SGCZ: variants seen among roughly 807,000 people sequenced by gnomAD.
The protein encoded by SGCZ is zeta-sarcoglycan.
In SGCZ, 40 loss-of-function variants were observed where a neutral mutation model predicts 41.3. The observed-to-expected ratio is 0.97, with a 90% confidence interval of 0.75 to 1.26. The LOEUF is 1.26. Among genes scored for constraint, SGCZ ranks in the 50% most tolerant of loss-of-function variants. SGCZ has a pLI of 0.00. For missense variants in SGCZ, 552 were observed against 369.8 expected, an observed-to-expected ratio of 1.49 and a Z score of -4.04; for synonymous variants, 206 against 137.5, an observed-to-expected ratio of 1.50 and a Z score of -3.49.
chr8:15,152,754 T>G (rs1013163950), intron 1 of SGCZ, among the ~76,000 whole-genome samples: 1 of 152,240 alleles, frequency 6.6e-6, no homozygotes, highest in African/African-American at 2.4e-5. Context: ...GAAGTCCTTT[T>G]TGTTTAATGT....
chr8:14,632,420 T>C (rs568037944), intron 1 of SGCZ, among the ~76,000 whole-genome samples: 1 of 152,196 alleles, frequency 6.6e-6, no homozygotes, highest in South Asian at 2.1e-4. Flanking sequence ...AAAAATTATT[T>C]AAGGTAGCTA....
At chr8:14,487,730 A>G (rs887350650) in intron 2 of SGCZ, 3 of 152,212 alleles carry the variant, frequency 2.0e-5, no homozygotes, top group African/African-American at 7.2e-5. Context: ...CTAATACTTA[A>G]TATAATTTTA....
intron 4 of SGCZ, among the ~76,000 whole-genome samples, chr8:14,226,544 A>C (rs545616921): frequency 6.6e-6 from 1 of 152,250 alleles, no homozygotes; most frequent in Non-Finnish European, 1.5e-5. Flanking sequence ...GCTTTTTTAA[A>C]AAATTGTTGA....
intron 3 of SGCZ, among the ~76,000 whole-genome samples, chr8:14,312,643 A>AGAAGAG (rs199965823): frequency 1.3e-5 from 2 of 151,990 alleles, no homozygotes; most frequent in African/African-American, 4.8e-5. Context: ...AGAAAGAAGA[A>AGAAGAG]GAAGAGGAAG....
intron 2 of SGCZ, among the ~76,000 whole-genome samples, chr8:14,428,119 CACACACACACACACATAT>C (rs1276618366): frequency 0.019 from 1,894 of 98,082 alleles, 24 homozygotes; most frequent in African/African-American, 0.027. Flanking sequence ...CACACACACA[CACACACACACACACATAT>C]ATATATATAT....
intron 2 of SGCZ, among the ~76,000 whole-genome samples, chr8:14,459,019 T>G (rs1434483448): frequency 1.3e-5 from 2 of 152,178 alleles, no homozygotes; most frequent in African/African-American, 2.4e-5. Context: ...CTGGGCACCC[T>G]CTCATCAGCA....
chr8:14,948,581 C>G, intron 1 of SGCZ, among the ~76,000 whole-genome samples: 1 of 152,036 alleles, frequency 6.6e-6, no homozygotes, highest in African/African-American at 2.4e-5. Flanking sequence ...CCTTAGATGA[C>G]ATTTATCCCT....
At chr8:14,635,164 A>C (rs1233977391) in intron 1 of SGCZ, among the ~76,000 whole-genome samples, 3 of 151,872 alleles carry the variant, frequency 2.0e-5, no homozygotes, top group Non-Finnish European at 4.4e-5. Flanking sequence ...GCTGTCAGTA[A>C]ATTTTATGAA....
rs374365613 is a variant in SGCZ, at chr8:15,179,284, G to A, written c.39+58301C>T. ...GGAATGAGGATGGTGTATATGAATAGTGAATTATCTCTTCATTAGACTTCT... is the reference window on the plus strand; with the variant it reads ...GGAATGAGGATGGTGTATATGAATAATGAATTATCTCTTCATTAGACTTCT... On this transcript the variant is annotated intron_variant, in intron 1 of 7. Transcript: ENST00000382080. 4.4e-4 allele frequency among the ~76,000 whole-genome samples: 67 copies of A among 152,238 alleles called. 1 individual carries two copies. The South Asian group carries it at 0.014, about 32-fold the overall frequency.
intron 1 of SGCZ, among the ~76,000 whole-genome samples, chr8:14,833,946 C>T (rs896774087): frequency 2.6e-5 from 4 of 152,102 alleles, no homozygotes; most frequent in Admixed American, 6.5e-5. Flanking sequence ...TTTTTAGCCT[C>T]GCTTAGAAAT....
At chr8:14,611,508 A>G (rs1805929104) in intron 1 of SGCZ, among the ~76,000 whole-genome samples, 1 of 152,190 alleles carries the variant, frequency 6.6e-6, no homozygotes, top group African/African-American at 2.4e-5. Flanking sequence ...AATAATCAGT[A>G]ATACATAAAT....
rs574869663 is a variant in SGCZ at position 14,173,463 on chromosome 8, A to C, written c.425-8761T>G. 5.9e-5 allele frequency among the ~76,000 whole-genome samples: 9 copies of C among 152,068 alleles called. No individual in the cohort carries two copies. In the South Asian group the frequency reaches 6.2e-4, roughly 11 times the overall value. ...ATAGGGCTGAAAAATTCAATATGTT[A>C]AGTGAAAAAAATCAGCAAATGGGAC... On this transcript the variant is annotated intron_variant, in intron 4 of 7. Transcript: ENST00000382080.
chr8:14,452,809 G>A (rs1800632318), intron 2 of SGCZ, among the ~76,000 whole-genome samples: 1 of 152,008 alleles, frequency 6.6e-6, no homozygotes, highest in Admixed American at 6.6e-5. Flanking sequence ...CGTATAAAAA[G>A]AAGAGTAAGG....
At chr8:14,895,569 C>G (rs1427797052) in intron 1 of SGCZ, among the ~76,000 whole-genome samples, 2 of 152,106 alleles carry the variant, frequency 1.3e-5, no homozygotes, top group Non-Finnish European at 2.9e-5. Flanking sequence ...TATTTTGAAT[C>G]TGGAAGATCA....
At chr8:14,588,134 T>C (rs1175036396) in intron 1 of SGCZ, among the ~76,000 whole-genome samples, 2 of 151,992 alleles carry the variant, frequency 1.3e-5, no homozygotes, top group African/African-American at 2.4e-5. Context: ...GAATTTTGTG[T>C]CTATGTTATT....
intron 1 of SGCZ, among the ~76,000 whole-genome samples, chr8:14,694,854 T>C (rs572846754): frequency 6.6e-6 from 1 of 152,184 alleles, no homozygotes; most frequent in Non-Finnish European, 1.5e-5. Context: ...CTATAGAACA[T>C]TCAGTAGTTT....
intron 2 of SGCZ, among the ~76,000 whole-genome samples, chr8:14,468,286 A>G (rs533728939): frequency 9.2e-5 from 14 of 152,216 alleles, no homozygotes; most frequent in Admixed American, 6.6e-4. Flanking sequence ...AGATCCTTCA[A>G]ATAAATTAGA....
At chr8:15,147,567 C>A (rs1303073051) in intron 1 of SGCZ, among the ~76,000 whole-genome samples, 1 of 152,180 alleles carries the variant, frequency 6.6e-6, no homozygotes, top group South Asian at 2.1e-4. Flanking sequence ...CGTGAGCTGC[C>A]GTACCCGGCT....
intron 1 of SGCZ, among the ~76,000 whole-genome samples, chr8:14,708,606 C>G (rs919485704): frequency 6.6e-6 from 1 of 151,942 alleles, no homozygotes; most frequent in Non-Finnish European, 1.5e-5. Context: ...TCTCAGGAAT[C>G]AAACAGAAAA....
Sources: gnomAD v4.1 joint callset for allele counts (sites outside exome capture counted in the v4.1 genomes callset) on GRCh38, gnomAD v4.1.1 for gene constraint, MANE v1.5 for transcripts, NCBI Gene and HGNC (gene_info 2026-07-23, HGNC 2026-07-21) for gene names.